The following MNAT1 variants were observed in gnomAD, a reference collection of about 807,000 sequenced individuals.
The protein encoded by MNAT1 is CDK-activating kinase assembly factor MAT1.
A neutral mutation model predicts 42.0 loss-of-function variants in MNAT1; 43 were observed. The observed-to-expected ratio is 1.02, with a 90% CI of 0.80 to 1.32. The LOEUF (loss-of-function observed/expected upper bound fraction) is 1.32. Among genes scored for constraint, MNAT1 ranks in the 40% most tolerant of loss-of-function variants. MNAT1 has a pLI of 0.00. For synonymous variants in MNAT1, 118 were observed against 120.0 expected (o/e 0.98, Z 0.11); for missense variants, 306 against 350.4 (o/e 0.87, Z 1.01).
chr14:60,905,105 T>C (rs2209895), intron 7 of MNAT1, among the ~76,000 whole-genome samples: 140,109 of 151,610 alleles, frequency 0.92, 65,283 homozygotes, highest in Non-Finnish European at 0.99. Context: ...TAGCAAATAG[T>C]TATGAAGTGC....
At chr14:60,743,699 A>T (rs1432031941) in intron 1 of MNAT1, among the ~76,000 whole-genome samples, 1 of 152,242 alleles carries the variant, frequency 6.6e-6, no homozygotes, top group African/African-American at 2.4e-5. Context: ...TTTGCTGAAT[A>T]TAGAATTATG....
chr14:60,827,764 G>C (rs935660806), intron 6 of MNAT1, among the ~76,000 whole-genome samples: 4 of 152,140 alleles, frequency 2.6e-5, no homozygotes, highest in Non-Finnish European at 4.4e-5. Context: ...ATTTTGAAAT[G>C]TAAATCAAAT....
chr14:60,839,800 C>T (rs529701829), intron 6 of MNAT1, among the ~76,000 whole-genome samples: 1 of 152,368 alleles, frequency 6.6e-6, no homozygotes, highest in East Asian at 1.9e-4. Context: ...GAGAAAGTGC[C>T]TGGAGCTGCC....
At chr14:60,774,459 C>A (rs897407923) in intron 1 of MNAT1, among the ~76,000 whole-genome samples, 3 of 152,074 alleles carry the variant, frequency 2.0e-5, no homozygotes, top group African/African-American at 7.2e-5. Flanking sequence ...GTATTTTATG[C>A]TATTTAATAT....
intron 1 of MNAT1, among the ~76,000 whole-genome samples, chr14:60,741,490 G>T (rs973304079): frequency 2.3e-4 from 35 of 152,080 alleles, no homozygotes; most frequent in African/African-American, 8.4e-4. Flanking sequence ...CTTCCGAGTA[G>T]CTGGGATTAC....
At chr14:60,801,347 A>G (rs969513367) in intron 3 of MNAT1, among the ~76,000 whole-genome samples, 4 of 152,200 alleles carry the variant, frequency 2.6e-5, no homozygotes, top group South Asian at 2.1e-4. Context: ...AAAATAGACA[A>G]ATGGGATTGT....
At chr14:60,893,497 A>G (rs930061408) in intron 7 of MNAT1, among the ~76,000 whole-genome samples, 1 of 152,176 alleles carries the variant, frequency 6.6e-6, no homozygotes, top group Admixed American at 6.6e-5. Flanking sequence ...GACATTCTGT[A>G]TGACAGAATA....
At chr14:60,811,947 C>G (rs751563589) in intron 4 of MNAT1, 40 bp from the exon 5 acceptor site, 12 of 1,515,898 alleles carry the variant, frequency 7.9e-6, no homozygotes, top group Non-Finnish European at 7.9e-6. Flanking sequence ...GCTCTTGGCT[C>G]CTAAATTTAT....
At chr14:60,743,846 C>A (rs1022047239) in intron 1 of MNAT1, among the ~76,000 whole-genome samples, 4 of 152,210 alleles carry the variant, frequency 2.6e-5, no homozygotes, top group African/African-American at 9.6e-5. Flanking sequence ...TCTTCAGGTT[C>A]ACTGTTGCCT....
At chr14:60,940,544 A>G (rs1376764490) in intron 7 of MNAT1, among the ~76,000 whole-genome samples, 1 of 152,116 alleles carries the variant, frequency 6.6e-6, no homozygotes, top group African/African-American at 2.4e-5. Flanking sequence ...CAGCCTCCCG[A>G]GTAGCTGGGA....
rs760447864 is a variant in MNAT1, at chr14:60,818,773, T to G, written c.613T>G (p.Ser205Ala). The G allele has an allele frequency of 5.0e-6, 8 of 1,612,836 alleles. No homozygotes were observed. Among genetic ancestry groups the G allele is most frequent in the African/African-American group, 1.3e-5 (1 of 75,020 alleles). ...GCTTTTGGCTCAGCATAAAGATAGATCTACCCAATTAGAAATGCAACTTGA... is the reference window on the plus strand; with the variant it reads ...GCTTTTGGCTCAGCATAAAGATAGAGCTACCCAATTAGAAATGCAACTTGA... ...ALLLAQHKDR[S>A]TQLEMQLEKP... The change falls in exon 6 of 8, where the codon TCT (serine) becomes GCT (alanine). Residue 205 changes from serine to alanine, a missense_variant. This residue lies in a region of MNAT1 where 116 missense variants were observed against 139.6 expected (regional missense o/e 0.83). Transcript: ENST00000261245.
intron 7 of MNAT1, among the ~76,000 whole-genome samples, chr14:60,912,945 CGT>C (rs1352237310): frequency 2.0e-5 from 3 of 152,180 alleles, no homozygotes; most frequent in African/African-American, 7.2e-5. Context: ...CCATTCTCCC[CGT>C]CACTTTCAGG....
At chr14:60,926,145 C>T (rs2035759043) in intron 7 of MNAT1, among the ~76,000 whole-genome samples, 1 of 152,192 alleles carries the variant, frequency 6.6e-6, no homozygotes, top group South Asian at 2.1e-4. Flanking sequence ...AGAAATCACC[C>T]TTATTCTACC....
intron 1 of MNAT1, among the ~76,000 whole-genome samples, chr14:60,747,272 A>C (rs531316060): frequency 3.6e-4 from 55 of 152,012 alleles, no homozygotes; most frequent in East Asian, 1.2e-3. Flanking sequence ...GCGTGAGCCA[A>C]TGCGCCCTGC....
At chr14:60,780,887 A>G (rs1324831279) in intron 1 of MNAT1, among the ~76,000 whole-genome samples, 1 of 152,222 alleles carries the variant, frequency 6.6e-6, no homozygotes, top group African/African-American at 2.4e-5. Flanking sequence ...GTAGATGGAA[A>G]AACTTGTGCT....
At chr14:60,751,971 C>T (rs2030114338) in intron 1 of MNAT1, among the ~76,000 whole-genome samples, 2 of 152,072 alleles carry the variant, frequency 1.3e-5, no homozygotes, top group Admixed American at 1.3e-4. Flanking sequence ...GCATCTAGCA[C>T]TAACTGGTTT....
intron 1 of MNAT1, among the ~76,000 whole-genome samples, chr14:60,751,445 A>T (rs2030088663): frequency 6.6e-6 from 1 of 152,024 alleles, no homozygotes; most frequent in Admixed American, 6.6e-5. Context: ...ATTTTTCCTG[A>T]TATTGTATTT....
chr14:60,966,947 T>A (rs2036693259), intron 7 of MNAT1, among the ~76,000 whole-genome samples: 1 of 152,094 alleles, frequency 6.6e-6, no homozygotes, highest in South Asian at 2.1e-4. Context: ...ATAAAACATA[T>A]CTGAGATATG....
At chr14:60,896,685 C>A (rs1215108352) in intron 7 of MNAT1, among the ~76,000 whole-genome samples, 2 of 152,114 alleles carry the variant, frequency 1.3e-5, no homozygotes, top group Non-Finnish European at 2.9e-5. Flanking sequence ...CGGGGTTTCA[C>A]CATGTTGGCC....
Sources: gnomAD v4.1 joint callset for allele counts (sites outside exome capture counted in the v4.1 genomes callset) on GRCh38, gnomAD v4.1.1 for gene constraint, gnomAD v4.1.1 regional missense constraint, MANE v1.5 for transcripts, NCBI Gene and HGNC (gene_info 2026-07-23, HGNC 2026-07-21) for gene names.